The following FRYL variants were observed in gnomAD, a reference collection of about 807,000 sequenced individuals.
The protein encoded by FRYL is FRY like transcription coactivator.
Under a neutral mutation model 351.2 loss-of-function variants are expected in FRYL, and 150 were observed. The ratio of observed to expected loss-of-function variants is 0.43; its 90% CI spans 0.37 to 0.49. The LOEUF is 0.49. Ranked by LOEUF, FRYL falls within the 20% of genes least tolerant of loss-of-function variation. FRYL has a pLI of 0.00. For missense variants in FRYL, 3,036 were observed against 3,619.3 expected, an observed-to-expected ratio of 0.84 and a Z score of 4.13; for synonymous variants, 1,153 against 1,257.1, an observed-to-expected ratio of 0.92 and a Z score of 1.75.
At chr4:48,616,038 G>A (rs1749354562) in intron 7 of FRYL, among the ~76,000 whole-genome samples, 2 of 151,968 alleles carry the variant, frequency 1.3e-5, no homozygotes, top group South Asian at 4.2e-4. Context: ...CACAGGGAGG[G>A]GAAGGAACAT....
At chr4:48,652,780 A>C (rs777689858) in intron 3 of FRYL, among the ~76,000 whole-genome samples, 1 of 152,204 alleles carries the variant, frequency 6.6e-6, no homozygotes, top group Non-Finnish European at 1.5e-5. Context: ...AACCTGGAAA[A>C]ATGTAAATTT....
chr4:48,716,977 A>G (rs1351443080), intron 1 of FRYL, among the ~76,000 whole-genome samples: 1 of 150,994 alleles, frequency 6.6e-6, no homozygotes, highest in Non-Finnish European at 1.5e-5. Context: ...TTGTAGGGAC[A>G]TGGATGAAAT....
At position 48,675,021 on chromosome 4, in the gene FRYL, G is replaced by C. The variant is rs112207209; in HGVS notation, c.-81+9652C>G. Among the ~76,000 whole-genome samples, 680 of 152,240 alleles carry C rather than the reference G, an allele frequency of 4.5e-3. 4 individuals are homozygous for C. The highest frequency in any genetic ancestry group is 0.015 in the African/African-American group (631 of 41,560). The stretch of plus-strand genomic sequence containing the variant: ...CCTAAAACGAAACCCATGTACATCA[G>C]CTATGACTTCAAGTTTCAATTTCTT... On this transcript the variant is annotated intron_variant, in intron 3 of 63. Coordinates refer to ENST00000358350, the MANE Select transcript of FRYL (RefSeq NM_015030.2).
At chr4:48,779,329 G>A (rs1279300197) in intron 1 of FRYL, among the ~76,000 whole-genome samples, 3 of 152,222 alleles carry the variant, frequency 2.0e-5, no homozygotes, top group Admixed American at 1.3e-4. Context: ...TCAGCTCGCG[G>A]GCGGTGGCCG....
At chr4:48,778,567 T>C (rs960333594) in intron 1 of FRYL, among the ~76,000 whole-genome samples, 3 of 152,220 alleles carry the variant, frequency 2.0e-5, no homozygotes, top group African/African-American at 7.2e-5. Context: ...CTGTCAAAAA[T>C]GAATGCTTAT....
At chr4:48,633,914 C>G (rs1282124147) in intron 4 of FRYL, among the ~76,000 whole-genome samples, 3 of 152,162 alleles carry the variant, frequency 2.0e-5, no homozygotes, top group South Asian at 2.1e-4. Flanking sequence ...CTTCCCTCCT[C>G]CTCATCATGG....
Position 48,523,028 on chromosome 4 carries a change from G to C in FRYL, c.7394C>G (p.Ser2465Cys). 3 of 1,613,756 alleles carry C rather than the reference G, an allele frequency of 1.9e-6. No homozygotes were observed. The highest frequency in any genetic ancestry group is 2.5e-6 in the Non-Finnish European group (3 of 1,179,704). Reference sequence around the variant, plus strand: ...ACTAGAGCACTGGTACTCCTGGAGGGATGGAGTGTCCCCTTTGTCAATACT... The same window carrying C: ...ACTAGAGCACTGGTACTCCTGGAGGCATGGAGTGTCCCCTTTGTCAATACT... ...LDSIDKGDTP[S>C]LQEYQCSSST... Residue 2465 changes from serine to cysteine, a missense_variant, in exon 54 of 64, where the codon TCC (serine) becomes TGC (cysteine). Physicochemically the swap from Ser to Cys is moderately radical, Grantham distance 112 (BLOSUM62 -1). This residue lies in a region of FRYL where 1,987 missense variants were observed against 2,311.7 expected (regional missense o/e 0.86). Coordinates refer to ENST00000358350, the MANE Select transcript of FRYL (RefSeq NM_015030.2).
In FRYL at chr4:48,632,116, AT is replaced by A. The variant is rs374810228; in HGVS notation, c.120+2174del. Among the ~76,000 whole-genome samples the A allele has an allele frequency of 3.2e-3, 136 of 42,832 alleles. 1 individual carries two copies. The highest frequency in any genetic ancestry group is 7.5e-3 in the Non-Finnish European group (107 of 14,286). The allele number at this position is 42,832 out of a possible 152,430, so 28.1% of individuals were successfully genotyped here. A position where few individuals can be genotyped will look rare whatever the true frequency, so the allele number is the denominator to read the frequency against. ...AATATATATATATATATATATATAT[AT>A]ATATATATATATGCGCACACAAAAT... On this transcript the variant is annotated intron_variant, in intron 4 of 63. Transcript: ENST00000358350.
At chr4:48,625,193 G>C (rs1751526585) in intron 4 of FRYL, among the ~76,000 whole-genome samples, 1 of 152,050 alleles carries the variant, frequency 6.6e-6, no homozygotes, top group South Asian at 2.1e-4. Flanking sequence ...CACCCTATTG[G>C]TTCCATTTCT....
At chr4:48,533,456 A>G (rs1165308680) in intron 49 of FRYL, among the ~76,000 whole-genome samples, 1 of 152,224 alleles carries the variant, frequency 6.6e-6, no homozygotes, top group Non-Finnish European at 1.5e-5. Flanking sequence ...TGTGGATTAC[A>G]TAACTGAATC....
rs1254520846 is a variant in FRYL, at chr4:48,567,493, CAA to C, written c.2997-75_2997-74del. 8.9e-7 allele frequency: 1 copy of C among 1,117,918 alleles called. No homozygotes were observed. Among genetic ancestry groups the C allele is most frequent in the Non-Finnish European group, 1.2e-6 (1 of 800,334 alleles). The allele number at this position is 1,117,918 out of a possible 1,614,324, so 69.2% of individuals were successfully genotyped here. On this transcript the variant is annotated intron_variant, in intron 27 of 63. Transcript: ENST00000358350. The surrounding 1 kb of genome is among the most constrained non-coding windows in gnomAD (Gnocchi z 4.2). ...ATTTAAATAAAAAATTCTTAATACT[CAA>C]AATCAGAATAATACATGTTAATTTT...
chr4:48,554,662 G>T (rs1294897401), intron 35 of FRYL, among the ~76,000 whole-genome samples: 1 of 152,208 alleles, frequency 6.6e-6, no homozygotes, highest in Non-Finnish European at 1.5e-5. Context: ...TGGTTACCCA[G>T]TGATAACCTT....
chr4:48,743,715 A>C (rs189967239), intron 1 of FRYL, among the ~76,000 whole-genome samples: 2 of 152,240 alleles, frequency 1.3e-5, no homozygotes, highest in Admixed American at 1.3e-4. Context: ...AAATCAGTAG[A>C]CTCTGAGTAA....
chr4:48,604,601 A>G (rs1746368054), intron 11 of FRYL, among the ~76,000 whole-genome samples: 1 of 152,212 alleles, frequency 6.6e-6, no homozygotes, highest in African/African-American at 2.4e-5. Context: ...AGTGCACACA[A>G]GAGGCTAAGC....
chr4:48,654,476 T>C (rs1758407244), intron 3 of FRYL, among the ~76,000 whole-genome samples: 1 of 152,128 alleles, frequency 6.6e-6, no homozygotes, highest in South Asian at 2.1e-4. Flanking sequence ...ACTGTCTCAC[T>C]TACCCCACTG....
In FRYL at chr4:48,546,209, A is replaced by G. The variant is rs774891232; in HGVS notation, c.5137T>C (p.Ser1713Pro). ...CTGATACTAGAAGAGGTAGAACTTG[A>G]GCTAAGCCCTGAGTCAGTCATAGGG... ...PSPMTDSGLS[S>P]SSTSSSISLG... is the part of the protein sequence containing the mutation. Residue 1713 changes from serine (S) to proline (P), a missense_variant, in exon 42 of 64, where the codon TCA becomes CCA. Physicochemically the swap from Ser to Pro is moderately conservative, Grantham distance 74. Coordinates refer to ENST00000358350, the MANE Select transcript of FRYL (RefSeq NM_015030.2). The G allele has an allele frequency of 6.2e-7, 1 of 1,613,814 alleles. No homozygotes were observed.
intron 54 of FRYL, 40 bp downstream of exon 54, chr4:48,522,861 A>G (rs1725208762): frequency 4.1e-6 from 6 of 1,473,898 alleles, no homozygotes; most frequent in Non-Finnish European, 5.7e-6. Flanking sequence ...TAAGAGGAAA[A>G]TGAGACCAAA....
chr4:48,602,011 A>G lies in FRYL; in HGVS notation c.1035+9T>C, dbSNP rs768949736. The stretch of plus-strand genomic sequence containing the variant: ...GTATTTACATATCAGAAGTGTGATT[A>G]CATCTTACCTTTAAATGTGACAAAC... On this transcript the variant is annotated intron_variant, in intron 13 of 63. Coordinates refer to ENST00000358350, the MANE Select transcript of FRYL (RefSeq NM_015030.2). 4 of 1,440,722 alleles carry G rather than the reference A, an allele frequency of 2.8e-6. No homozygotes were observed. The South Asian group carries it at 3.5e-5, about 12-fold the overall frequency. The allele number at this position is 1,440,722 out of a possible 1,614,324, so 89.2% of individuals were successfully genotyped here.
rs763775301 is a variant in FRYL, at chr4:48,527,999, G to A, written c.7112C>T (p.Pro2371Leu). 8 of 1,578,596 alleles carry A rather than the reference G, an allele frequency of 5.1e-6. No individual in the cohort carries two copies. The highest frequency in any genetic ancestry group is 2.0e-5 in the Admixed American group (1 of 49,234). Reference protein sequence around the residue: ...KLMNVLSLCGPESGLPKNPSV... With the variant: ...KLMNVLSLCGLESGLPKNPSV... ...TGGGTTCTTTGGGAGGCCAGATTCT[G>A]GACCACAGAGAGAAAGCACATTCAT... The change falls in exon 52 of 64, where the codon CCA becomes CTA. Residue 2371 changes from proline to leucine, a missense_variant. This residue lies in a region of FRYL where 1,987 missense variants were observed against 2,311.7 expected (regional missense o/e 0.86). Transcript: ENST00000358350.
Sources: allele counts gnomAD v4.1 joint callset (sites outside exome capture counted in the v4.1 genomes callset), GRCh38; gene constraint gnomAD v4.1.1; regional missense constraint gnomAD v4.1.1; non-coding constraint Gnocchi (gnomAD v3.1); transcripts MANE v1.5; gene names NCBI Gene and HGNC (gene_info 2026-07-23, HGNC 2026-07-21).